ARHGAP19: variants seen among roughly 807,000 people sequenced by gnomAD.
The protein encoded by ARHGAP19 is rho GTPase-activating protein 19.
ARHGAP19 carries 48 observed loss-of-function variants against 60.9 expected under a neutral mutation model. The observed-to-expected ratio is 0.79, with a 90% confidence interval of 0.62 to 1.00. The LOEUF (loss-of-function observed/expected upper bound fraction) is 1.00, where lower values mean the gene tolerates loss of function less well. ARHGAP19 is among the 50% of genes least tolerant of loss of function. The pLI, the probability that ARHGAP19 is intolerant of heterozygous loss-of-function variation, is 0.00. For missense variants in ARHGAP19, 562 were observed against 597.2 expected (o/e 0.94, Z 0.61); for synonymous variants, 209 against 215.5 (o/e 0.97, Z 0.27).
At chr10:97,243,692 T>G (rs1564715044) in intron 8 of ARHGAP19, among the ~76,000 whole-genome samples, 1 of 152,212 alleles carries the variant, frequency 6.6e-6, no homozygotes, top group Non-Finnish European at 1.5e-5. Context: ...ACAATATGTT[T>G]TAACTGCTGG....
chr10:97,224,387 ATG>A lies in ARHGAP19; in HGVS notation c.*1733_*1734del, dbSNP rs1564707552. On this transcript the variant is annotated 3_prime_UTR_variant, in exon 12 of 12. Coordinates refer to ENST00000358531, the MANE Select transcript of ARHGAP19 (RefSeq NM_032900.6). The stretch of plus-strand genomic sequence containing the variant: ...AACCTACGCAAACGAATTTGCTAAT[ATG>A]TGTTTTTACAAATGACATAAAACTG... 1 of 152,234 alleles carries A rather than the reference ATG, an allele frequency of 6.6e-6. No homozygotes were observed. The allele number at this position is 152,234 out of a possible 1,614,324, so 9.4% of individuals were successfully genotyped here.
In ARHGAP19 at chr10:97,263,541, A is replaced by C. The variant is rs1350824596; in HGVS notation, c.492T>G (p.Ile164Met). Residue 164 changes from isoleucine (I) to methionine (M), a missense_variant, in exon 4 of 12, where the codon ATT becomes ATG. Physicochemically the swap from Ile to Met is conservative, Grantham distance 10 (BLOSUM62 1). Coordinates refer to ENST00000358531, the MANE Select transcript of ARHGAP19 (RefSeq NM_032900.6). The stretch of plus-strand genomic sequence containing the variant: ...AGTGAAATTCCCCTGATTCCAAGTC[A>C]ATGTCAGTTCCATTATTGAGAGCAT... ...LRDALNNGTD[I>M]DLESGEFHSN... 1 of 1,614,174 alleles carries C rather than the reference A, an allele frequency of 6.2e-7. No homozygotes were observed. The highest frequency in any genetic ancestry group is 2.2e-5 in the East Asian group (1 of 44,874).
At chr10:97,288,488 G>A (rs1843183880) in intron 1 of ARHGAP19, among the ~76,000 whole-genome samples, 2 of 151,714 alleles carry the variant, frequency 1.3e-5, no homozygotes, top group African/African-American at 2.4e-5. Flanking sequence ...GCTAAGGCAG[G>A]AGAATCGCTT....
intron 9 of ARHGAP19, among the ~76,000 whole-genome samples, chr10:97,233,619 G>A (rs1416125952): frequency 6.6e-6 from 1 of 152,202 alleles, no homozygotes; most frequent in Non-Finnish European, 1.5e-5. Flanking sequence ...TATAATCCCA[G>A]TACTTTGGAA....
At chr10:97,290,065 T>C (rs996195826) in intron 1 of ARHGAP19, among the ~76,000 whole-genome samples, 7 of 152,166 alleles carry the variant, frequency 4.6e-5, no homozygotes, top group African/African-American at 9.6e-5. Flanking sequence ...CAACCATTTA[T>C]AGGCAGCTTC....
At chr10:97,262,365 T>A (rs534717010) in intron 4 of ARHGAP19, among the ~76,000 whole-genome samples, 34 of 151,874 alleles carry the variant, frequency 2.2e-4, no homozygotes, top group East Asian at 3.9e-4. Context: ...TAATAATTTT[T>A]AAAAAAAATA....
At chr10:97,284,944 A>ACCTCCG (rs1156956973) in intron 1 of ARHGAP19, among the ~76,000 whole-genome samples, 2 of 148,452 alleles carry the variant, frequency 1.3e-5, no homozygotes, top group Non-Finnish European at 3.0e-5. Flanking sequence ...GCTCACCACA[A>ACCTCCG]CCTCCGCCTC....
intron 6 of ARHGAP19, among the ~76,000 whole-genome samples, chr10:97,249,539 A>G (rs980509355): frequency 1.3e-5 from 2 of 152,208 alleles, no homozygotes; most frequent in Non-Finnish European, 2.9e-5. Flanking sequence ...TGAGAAAACA[A>G]TAAGACAAAC....
At chr10:97,234,544 T>C (rs1851093675) in intron 9 of ARHGAP19, among the ~76,000 whole-genome samples, 1 of 152,168 alleles carries the variant, frequency 6.6e-6, no homozygotes, top group Non-Finnish European at 1.5e-5. Context: ...AAACCTTGCC[T>C]TAGTTCATGC....
intron 1 of ARHGAP19, chr10:97,270,455 TA>T: frequency 1.8e-6 from 1 of 556,502 alleles, no homozygotes; most frequent in Non-Finnish European, 3.0e-6. Context: ...AATATAAAGC[TA>T]AAAATATCAA....
At chr10:97,291,889 G>A (rs1008579988) in intron 1 of ARHGAP19, among the ~76,000 whole-genome samples, 1 of 152,026 alleles carries the variant, frequency 6.6e-6, no homozygotes, top group African/African-American at 2.4e-5. Context: ...CGGTGTGGCT[G>A]TTTAGGAAAG....
intron 5 of ARHGAP19, 49 bp from the exon 6 acceptor site, chr10:97,256,453 T>C (rs780467694): frequency 2.3e-6 from 3 of 1,329,222 alleles, no homozygotes; most frequent in East Asian, 2.3e-5. Flanking sequence ...AGCTAGAAAG[T>C]AGTACTTACC....
intron 6 of ARHGAP19, among the ~76,000 whole-genome samples, chr10:97,247,525 A>C (rs1212771995): frequency 1.3e-5 from 2 of 152,190 alleles, no homozygotes; most frequent in Non-Finnish European, 2.9e-5. Context: ...CAGAAATGCA[A>C]AACACACTCG....
chr10:97,250,056 T>C (rs1343700506), intron 6 of ARHGAP19, among the ~76,000 whole-genome samples: 2 of 152,134 alleles, frequency 1.3e-5, no homozygotes, highest in Non-Finnish European at 2.9e-5. Context: ...AGTGCTGGGA[T>C]TACAGGCGTG....
At chr10:97,265,459 A>G (rs1842885698) in intron 2 of ARHGAP19, 2 of 201,280 alleles carry the variant, frequency 9.9e-6, no homozygotes, top group Non-Finnish European at 2.0e-5. Flanking sequence ...TGATGACACC[A>G]CCACACTCCA....
At chr10:97,269,874 C>T (rs1001252179) in intron 1 of ARHGAP19, among the ~76,000 whole-genome samples, 1 of 152,180 alleles carries the variant, frequency 6.6e-6, no homozygotes, top group African/African-American at 2.4e-5. Flanking sequence ...ATATCCAGAG[C>T]AAAACTCAGG....
At chr10:97,232,364 C>T (rs1221027999) in intron 9 of ARHGAP19, among the ~76,000 whole-genome samples, 1 of 151,816 alleles carries the variant, frequency 6.6e-6, no homozygotes, top group African/African-American at 2.4e-5. Context: ...GGAGTTTCAC[C>T]GTGTTAGCCA....
chr10:97,262,810 T>C (rs1842848443), intron 4 of ARHGAP19, among the ~76,000 whole-genome samples: 1 of 152,068 alleles, frequency 6.6e-6, no homozygotes, highest in African/African-American at 2.4e-5. Context: ...ATGAAAAGCA[T>C]ACATTTATTA....
intron 6 of ARHGAP19, among the ~76,000 whole-genome samples, chr10:97,252,811 T>C (rs1564719414): frequency 6.6e-6 from 1 of 152,082 alleles, no homozygotes; most frequent in Non-Finnish European, 1.5e-5. Flanking sequence ...GGGTATGTAT[T>C]CAAAGGGAAG....
Sources: gnomAD v4.1 joint callset for allele counts (sites outside exome capture counted in the v4.1 genomes callset) on GRCh38, gnomAD v4.1.1 for gene constraint, MANE v1.5 for transcripts, NCBI Gene and HGNC (gene_info 2026-07-23, HGNC 2026-07-21) for gene names.